Variants in TTBK2 observed in about 807,000 individuals in gnomAD.
TTBK2 encodes the protein tau tubulin kinase 2, also known as tau-tubulin kinase 2.
TTBK2 carries 28 observed loss-of-function variants against 110.8 expected under a neutral mutation model. The observed-to-expected ratio is 0.25, with a 90% confidence interval of 0.19 to 0.35. TTBK2 has a LOEUF of 0.35. Ranked by LOEUF, TTBK2 falls within the 10% of genes least tolerant of loss-of-function variation. The pLI, the probability that TTBK2 is intolerant of heterozygous loss-of-function variation, is 1.00. For synonymous variants in TTBK2, 532 were observed against 527.3 expected (o/e 1.01, Z -0.12); for missense variants, 1,369 against 1,500.3 (o/e 0.91, Z 1.45).
intron 9 of TTBK2, chr15:42,801,057 C>T (rs1261037919): frequency 1.3e-6 from 1 of 770,188 alleles, no homozygotes; most frequent in African/African-American, 1.7e-5. Flanking sequence ...GCTGGTGTGG[C>T]TGAAGGAGCT....
intron 3 of TTBK2, among the ~76,000 whole-genome samples, chr15:42,844,108 C>T (rs143483320): frequency 2.0e-5 from 3 of 152,194 alleles, no homozygotes; most frequent in Non-Finnish European, 4.4e-5. Flanking sequence ...GCTGCAACAC[C>T]AGTCTCAGTG....
chr15:42,892,745 C>A (rs1238815938), intron 1 of TTBK2, among the ~76,000 whole-genome samples: 1 of 146,128 alleles, frequency 6.8e-6, no homozygotes, highest in Non-Finnish European at 1.5e-5. Flanking sequence ...CACGGTGGCT[C>A]ACGCCTGTAA....
chr15:42,790,701 T>TTTTG (rs71108182), intron 10 of TTBK2, among the ~76,000 whole-genome samples: 65,762 of 151,448 alleles, frequency 0.43, 16,574 homozygotes, highest in African/African-American at 0.7. Flanking sequence ...CTCTGTGAGT[T>TTTTG]TTTGTTTGTT....
At chr15:42,836,599 C>A (rs991564405) in intron 4 of TTBK2, among the ~76,000 whole-genome samples, 2 of 152,236 alleles carry the variant, frequency 1.3e-5, no homozygotes, top group South Asian at 2.1e-4. Flanking sequence ...CCACAAAGGT[C>A]ATCATTGCCT....
At chr15:42,889,212 G>T (rs544214115) in intron 1 of TTBK2, among the ~76,000 whole-genome samples, 1 of 152,242 alleles carries the variant, frequency 6.6e-6, no homozygotes, top group African/African-American at 2.4e-5. Context: ...CAAGCTCAGG[G>T]ATTTGCCCCT....
chr15:42,828,046 G>C lies in TTBK2; in HGVS notation c.433-14C>G. 6.3e-7 allele frequency: 1 copy of C among 1,586,366 alleles called. No homozygotes were observed. Among genetic ancestry groups the C allele is most frequent in the Non-Finnish European group, 8.6e-7 (1 of 1,156,136 alleles). ...AGCGAAGTTCGACTAGAAAAATAAA[G>C]AAGGAAAATATATACATTCTTATAA... On this transcript the variant is annotated splice_polypyrimidine_tract_variant and intron_variant, in intron 5 of 14. Coordinates refer to ENST00000267890, the MANE Select transcript of TTBK2 (RefSeq NM_173500.4).
intron 3 of TTBK2, among the ~76,000 whole-genome samples, chr15:42,840,826 A>T (rs1449998650): frequency 6.6e-6 from 1 of 152,226 alleles, no homozygotes; most frequent in Non-Finnish European, 1.5e-5. Context: ...CAGATATGTT[A>T]TGGTACTCAT....
At chr15:42,815,954 A>ATATATATATATATATTT (rs1393860735) in intron 7 of TTBK2, among the ~76,000 whole-genome samples, 68 of 53,382 alleles carry the variant, frequency 1.3e-3, no homozygotes, top group South Asian at 1.8e-3. Flanking sequence ...ATATTTAAAA[A>ATATATATATATATATTT]AAAAATATAT....
chr15:42,832,681 C>T (rs1892809878), intron 4 of TTBK2, among the ~76,000 whole-genome samples: 1 of 152,142 alleles, frequency 6.6e-6, no homozygotes, highest in African/African-American at 2.4e-5. Context: ...ATAAGTTTTA[C>T]TTTACAGGCC....
chr15:42,746,273 A>G lies in TTBK2; in HGVS notation c.3273-16T>C. 1 of 1,576,260 alleles carries G rather than the reference A, an allele frequency of 6.3e-7. No homozygotes were observed. Among genetic ancestry groups the G allele is most frequent in the Non-Finnish European group, 8.7e-7 (1 of 1,151,502 alleles). On this transcript the variant is annotated splice_polypyrimidine_tract_variant and intron_variant, in intron 14 of 14. Coordinates refer to ENST00000267890, the MANE Select transcript of TTBK2 (RefSeq NM_173500.4). Reference sequence around the variant, plus strand: ...TCTGCGTAGCCTTAAAAGAACAGAGAAAATATATTTTAATTTTAATTCATT... The same window carrying G: ...TCTGCGTAGCCTTAAAAGAACAGAGGAAATATATTTTAATTTTAATTCATT...
At chr15:42,912,371 C>T (rs920772588) in intron 1 of TTBK2, among the ~76,000 whole-genome samples, 77 of 152,324 alleles carry the variant, frequency 5.1e-4, no homozygotes, top group African/African-American at 1.8e-3. Context: ...CTAGATAATT[C>T]ACCAAATAGC....
chr15:42,815,950 A>ATG (rs1567040532), intron 7 of TTBK2, among the ~76,000 whole-genome samples: 1 of 12,296 alleles, frequency 8.1e-5, no homozygotes. Flanking sequence ...ATATATATTT[A>ATG]AAAAAAAAAT....
chr15:42,764,527 C>T (rs1224721713), intron 13 of TTBK2, among the ~76,000 whole-genome samples: 3 of 152,382 alleles, frequency 2.0e-5, no homozygotes, highest in Admixed American at 6.5e-5. Flanking sequence ...CTGAGATCAA[C>T]TTGTGAGGCA....
At chr15:42,833,276 G>C (rs1223691309) in intron 4 of TTBK2, among the ~76,000 whole-genome samples, 1 of 136,406 alleles carries the variant, frequency 7.3e-6, no homozygotes, top group Non-Finnish European at 1.5e-5. Context: ...AAAAGGAAGA[G>C]GACTATATAT....
chr15:42,826,288 A>G (rs1180587623), intron 6 of TTBK2, among the ~76,000 whole-genome samples: 1 of 152,012 alleles, frequency 6.6e-6, no homozygotes, highest in Non-Finnish European at 1.5e-5. Flanking sequence ...TAATTTCATC[A>G]AACCAAAACT....
At chr15:42,908,779 GA>G (rs1484386507) in intron 1 of TTBK2, among the ~76,000 whole-genome samples, 1 of 152,134 alleles carries the variant, frequency 6.6e-6, no homozygotes, top group Non-Finnish European at 1.5e-5. Flanking sequence ...ATACACCCTA[GA>G]AATACTTTTT....
At chr15:42,917,228 G>A (rs1370775704) in intron 1 of TTBK2, among the ~76,000 whole-genome samples, 8 of 150,730 alleles carry the variant, frequency 5.3e-5, no homozygotes, top group African/African-American at 1.7e-4. Flanking sequence ...AGAGACAAAG[G>A]TTAAAAAAAA....
In TTBK2 at chr15:42,775,316, T is replaced by A; in HGVS notation, c.1817A>T (p.Asn606Ile). 1 of 1,614,174 alleles carries A rather than the reference T, an allele frequency of 6.2e-7. No individual in the cohort carries two copies. Among genetic ancestry groups the A allele is most frequent in the Non-Finnish European group, 8.5e-7 (1 of 1,180,032 alleles). The change falls in exon 13 of 15, where the codon AAT becomes ATT. Residue 606 changes from asparagine (N) to isoleucine (I), a missense_variant. Transcript: ENST00000267890. ...TGAGGTTTCCTTCTTTAAATGATCA[T>A]TTTCTGCCCAAGGACCTAACTGGAG... ...EKLQLGPWAENDHLKKETSGV... is the reference protein window; with the variant it reads ...EKLQLGPWAEIDHLKKETSGV...
Position 42,743,491 on chromosome 15 carries a change from T to C in TTBK2, c.*2304A>G, listed in dbSNP as rs986943332. 17 of 152,198 alleles carry C rather than the reference T, an allele frequency of 1.1e-4. No individual in the cohort carries two copies. The highest frequency in any genetic ancestry group is 4.1e-4 in the African/African-American group (17 of 41,448). 9.4% of individuals were successfully genotyped at this position (152,198 alleles called of 1,614,324 possible). On this transcript the variant is annotated 3_prime_UTR_variant, in exon 15 of 15. Transcript: ENST00000267890. ...TTAAAGCTAGCTACTTTTAGCACAATTTAGCTAATGCAACAGAAATATGAC... is the reference window on the plus strand; with the variant it reads ...TTAAAGCTAGCTACTTTTAGCACAACTTAGCTAATGCAACAGAAATATGAC...
Sources: gnomAD v4.1 joint callset for allele counts (sites outside exome capture counted in the v4.1 genomes callset) on GRCh38, gnomAD v4.1.1 for gene constraint, MANE v1.5 for transcripts, NCBI Gene and HGNC (gene_info 2026-07-23, HGNC 2026-07-21) for gene names.